ATRNL1: variants seen among roughly 807,000 people sequenced by gnomAD.
The protein encoded by ATRNL1 is attractin like 1, also known as attractin-like protein 1.
ATRNL1 carries 95 observed loss-of-function variants against 182.7 expected under a neutral mutation model. That is an observed-to-expected ratio of 0.52 (90% CI 0.44 to 0.62). The LOEUF (loss-of-function observed/expected upper bound fraction) is 0.62, where lower values mean the gene tolerates loss of function less well. Ranked by LOEUF, ATRNL1 falls within the 20% of genes least tolerant of loss-of-function variation. The pLI is 0.00. For missense variants in ATRNL1, 1,471 were observed against 1,679.5 expected (o/e 0.88, Z 2.17); for synonymous variants, 576 against 568.3 (o/e 1.01, Z -0.19).
chr10:115,205,296 A>G (rs1445343100), intron 8 of ATRNL1, among the ~76,000 whole-genome samples: 3 of 151,856 alleles, frequency 2.0e-5, no homozygotes, highest in Non-Finnish European at 4.4e-5. Flanking sequence ...TTTTTTTTCA[A>G]TGTGGCAGAT....
chr10:115,903,512 T>C (rs1463509476), intron 28 of ATRNL1, among the ~76,000 whole-genome samples: 2 of 152,202 alleles, frequency 1.3e-5, no homozygotes, highest in African/African-American at 2.4e-5. Flanking sequence ...CTTCCTTTCT[T>C]AACTATGACA....
chr10:115,884,227 C>T (rs1951892017), intron 28 of ATRNL1, among the ~76,000 whole-genome samples: 1 of 152,148 alleles, frequency 6.6e-6, no homozygotes, highest in Non-Finnish European at 1.5e-5. Context: ...TAATCCATGG[C>T]TATGAAGCCC....
At chr10:115,123,752 A>G (rs1004733052) in intron 3 of ATRNL1, among the ~76,000 whole-genome samples, 5 of 152,152 alleles carry the variant, frequency 3.3e-5, no homozygotes, top group Admixed American at 3.3e-4. Context: ...GCAAAGCTTC[A>G]TCTTTATTTA....
chr10:115,513,253 GT>G (rs1228801579), intron 24 of ATRNL1, among the ~76,000 whole-genome samples: 6 of 152,006 alleles, frequency 3.9e-5, no homozygotes, highest in South Asian at 4.1e-4. Context: ...ACCTAATGCT[GT>G]GCTTCATTTC....
chr10:115,584,636 C>T (rs544225395), intron 26 of ATRNL1, among the ~76,000 whole-genome samples: 53 of 150,546 alleles, frequency 3.5e-4, no homozygotes, highest in African/African-American at 1.3e-3. Context: ...TGATTCTTCT[C>T]TCTTTTTTTC....
At chr10:115,740,847 CACACACAA>C (rs1234079999) in intron 27 of ATRNL1, among the ~76,000 whole-genome samples, 48 of 3,180 alleles carry the variant, frequency 0.015, no homozygotes, top group African/African-American at 0.029. Context: ...CACACACACA[CACACACAA>C]ACACACACAC....
Position 115,582,324 on chromosome 10 carries a change from A to T in ATRNL1, c.3795+32788A>T, listed in dbSNP as rs1330142872. Among the ~76,000 whole-genome samples the T allele has an allele frequency of 4.3e-4, 62 of 145,246 alleles. No individual in the cohort carries two copies. In the South Asian group the frequency reaches 0.015, roughly 34 times the overall value. Reference sequence around the variant, plus strand: ...AGATCCCTGAGGAATCGCCACACTGACTTCCACAATGGTTGAACTAGTTTA... The same window carrying T: ...AGATCCCTGAGGAATCGCCACACTGTCTTCCACAATGGTTGAACTAGTTTA... On this transcript the variant is annotated intron_variant, in intron 26 of 28. Coordinates refer to ENST00000355044, the MANE Select transcript of ATRNL1 (RefSeq NM_207303.4).
At chr10:115,626,304 A>G (rs1858097192) in intron 26 of ATRNL1, among the ~76,000 whole-genome samples, 1 of 152,170 alleles carries the variant, frequency 6.6e-6, no homozygotes, top group African/African-American at 2.4e-5. Context: ...GAATAATTAT[A>G]CTTTATTATA....
intron 8 of ATRNL1, among the ~76,000 whole-genome samples, chr10:115,189,219 A>G (rs1435776980): frequency 1.3e-5 from 2 of 152,188 alleles, no homozygotes; most frequent in Non-Finnish European, 2.9e-5. Flanking sequence ...CCAGTCGTAC[A>G]GAAGTATGGC....
chr10:115,922,300 T>G (rs185605980), intron 28 of ATRNL1, among the ~76,000 whole-genome samples: 1 of 152,332 alleles, frequency 6.6e-6, no homozygotes, highest in Non-Finnish European at 1.5e-5. Flanking sequence ...GTGGTTTGCA[T>G]GTAGTCACTT....
intron 28 of ATRNL1, among the ~76,000 whole-genome samples, chr10:115,932,768 A>G (rs977271174): frequency 1.3e-5 from 2 of 152,246 alleles, no homozygotes; most frequent in African/African-American, 4.8e-5. Context: ...ATCACTTTGA[A>G]AAATACAAAA....
intron 19 of ATRNL1, among the ~76,000 whole-genome samples, chr10:115,344,212 C>G (rs926988821): frequency 1.8e-4 from 28 of 152,296 alleles, no homozygotes; most frequent in African/African-American, 6.5e-4. Flanking sequence ...TTCTTCCCTT[C>G]TGGATGACGA....
chr10:115,110,795 T>C (rs1339192722), intron 1 of ATRNL1, among the ~76,000 whole-genome samples: 2 of 152,248 alleles, frequency 1.3e-5, no homozygotes, highest in South Asian at 4.1e-4. Context: ...AATTGAGTTT[T>C]ATTATCTTTA....
At chr10:115,696,524 C>T (rs1189578242) in intron 26 of ATRNL1, among the ~76,000 whole-genome samples, 1 of 152,076 alleles carries the variant, frequency 6.6e-6, no homozygotes, top group African/African-American at 2.4e-5. Context: ...TGGGTATATG[C>T]CCAGTAGTAG....
At chr10:115,409,658 AAAAC>A (rs1219865872) in intron 20 of ATRNL1, among the ~76,000 whole-genome samples, 31 of 152,282 alleles carry the variant, frequency 2.0e-4, no homozygotes, top group African/African-American at 7.5e-4. Flanking sequence ...TTCTTACTGA[AAAAC>A]AAACAAACAA....
At chr10:115,492,001 C>T (rs182938191) in intron 24 of ATRNL1, among the ~76,000 whole-genome samples, 60 of 152,242 alleles carry the variant, frequency 3.9e-4, no homozygotes, top group African/African-American at 1.4e-3. Flanking sequence ...GAGGGAAATC[C>T]TCTGACCTCT....
intron 27 of ATRNL1, among the ~76,000 whole-genome samples, chr10:115,771,551 C>T (rs1287110816): frequency 6.6e-6 from 1 of 152,116 alleles, no homozygotes; most frequent in Non-Finnish European, 1.5e-5. Context: ...TTCTTATCTG[C>T]CTCTTAATCT....
chr10:115,792,753 A>C (rs1371009999), intron 27 of ATRNL1, among the ~76,000 whole-genome samples: 1 of 151,924 alleles, frequency 6.6e-6, no homozygotes, highest in Non-Finnish European at 1.5e-5. Flanking sequence ...TTATTTCTTC[A>C]TTCAAAGAAC....
chr10:115,348,204 C>T (rs1554940313), intron 19 of ATRNL1, among the ~76,000 whole-genome samples: 1 of 152,136 alleles, frequency 6.6e-6, no homozygotes, highest in Admixed American at 6.5e-5. Context: ...GACTCCTGAC[C>T]TCAGGTGATC....
Sources: gnomAD v4.1 joint callset for allele counts (sites outside exome capture counted in the v4.1 genomes callset) on GRCh38, gnomAD v4.1.1 for gene constraint, MANE v1.5 for transcripts, NCBI Gene and HGNC (gene_info 2026-07-23, HGNC 2026-07-21) for gene names.